The following MFGE8 variants were observed in gnomAD, a reference collection of about 807,000 sequenced individuals.
MFGE8 encodes the protein lactadherin.
A neutral mutation model predicts 42.6 loss-of-function variants in MFGE8; 34 were observed. The observed-to-expected ratio is 0.80, with a 90% CI of 0.61 to 1.06. MFGE8 has a LOEUF of 1.06. Ranked by LOEUF, MFGE8 falls within the 50% of genes least tolerant of loss-of-function variation. MFGE8 has a pLI of 0.00. For synonymous variants in MFGE8, 230 were observed against 214.8 expected, an observed-to-expected ratio of 1.07 and a Z score of -0.62; for missense variants, 510 against 516.9, an observed-to-expected ratio of 0.99 and a Z score of 0.13.
chr15:88,913,049 GC>G (rs1002356261), intron 1 of MFGE8, 197 bp downstream of exon 1: 1 of 985,224 alleles, frequency 1.0e-6, no homozygotes, highest in African/African-American at 1.7e-5. Context: ...CAGCCCAAAA[GC>G]CCCAGCGCAG....
At chr15:88,901,090 CACATTCACAA>C (rs879561321) in intron 6 of MFGE8, among the ~76,000 whole-genome samples, 5,500 of 85,980 alleles carry the variant, frequency 0.064, 858 homozygotes, top group South Asian at 0.16. Flanking sequence ...CACATTCACA[CACATTCACAA>C]ATACACATTC....
chr15:88,908,237 C>T (rs1442882175), intron 2 of MFGE8, among the ~76,000 whole-genome samples: 1 of 152,300 alleles, frequency 6.6e-6, no homozygotes, highest in African/African-American at 2.4e-5. Flanking sequence ...AGCAGAGAAC[C>T]CACAGACAGA....
rs575061870 is a variant in MFGE8 at position 88,902,118 on chromosome 15, G to A, written c.686-383C>T. ...CTTGGGCAGGATTTCTTCCTCTTCT[G>A]GACTCACAGCACTGCCCCCATCGCC... On this transcript the variant is annotated intron_variant, in intron 5 of 7. Transcript: ENST00000268150. The surrounding 1 kb of genome is among the most constrained non-coding windows in gnomAD (Gnocchi z 4.3). The A allele has an allele frequency of 6.2e-5, 20 of 320,576 alleles. No homozygotes were observed. In the East Asian group the frequency reaches 1.4e-3, roughly 23 times the overall value. The allele number at this position is 320,576 out of a possible 1,614,324, so 19.9% of individuals were successfully genotyped here. A position where few individuals can be genotyped will look rare whatever the true frequency, so the allele number is the denominator to read the frequency against.
At chr15:88,900,964 TACACACACATTCAC>T (rs767201372) in intron 6 of MFGE8, among the ~76,000 whole-genome samples, 1,701 of 82,596 alleles carry the variant, frequency 0.021, 63 homozygotes, top group East Asian at 0.19. Context: ...TGTACACACA[TACACACACATTCAC>T]ACACACACAT....
At position 88,899,732 on chromosome 15, in the gene MFGE8, G is replaced by A. The variant is rs1278422170; in HGVS notation, c.950C>T (p.Ala317Val). 1.9e-6 allele frequency: 3 copies of A among 1,614,072 alleles called. No homozygotes were observed. The highest frequency in any genetic ancestry group is 2.5e-6 in the Non-Finnish European group (3 of 1,180,040). The change falls in exon 7 of 8, where the codon GCA becomes GTA. Residue 317 changes from alanine (A) to valine (V), a missense_variant. Ala to Val is a moderately conservative substitution (Grantham distance 64). Coordinates refer to ENST00000268150, the MANE Select transcript of MFGE8 (RefSeq NM_005928.4). The surrounding 1 kb of genome is among the most constrained non-coding windows in gnomAD (Gnocchi z 6.8). ...ATTACTGTAGGCAACCTTGTAGGAT[G>A]CCACAAACTGGACAGAGCCAAAGTT... ...ARNFGSVQFV[A>V]SYKVAYSNDS...
At position 88,905,926 on chromosome 15, in the gene MFGE8, A is replaced by C. The variant is rs770322387; in HGVS notation, c.541-25T>G. Reference sequence around the variant, plus strand: ...CCTAGCAGGGAAGGGACAAGACTGGAGAAGGGGGTCCATCTGAGCAGTCCC... The same window carrying C: ...CCTAGCAGGGAAGGGACAAGACTGGCGAAGGGGGTCCATCTGAGCAGTCCC... On this transcript the variant is annotated intron_variant, in intron 4 of 7. Transcript: ENST00000268150. The surrounding 1 kb of genome is among the most constrained non-coding windows in gnomAD (Gnocchi z 6.6). 1.2e-6 allele frequency: 2 copies of C among 1,614,066 alleles called. No homozygotes were observed. The highest frequency in any genetic ancestry group is 3.3e-5 in the Admixed American group (2 of 60,014).
Position 88,906,643 on chromosome 15 carries a change from C to T in MFGE8, c.523G>A (p.Val175Ile). 1 of 1,614,042 alleles carries T rather than the reference C, an allele frequency of 6.2e-7. No homozygotes were observed. The highest frequency in any genetic ancestry group is 8.5e-7 in the Non-Finnish European group (1 of 1,179,984). ...NGHEFDFIHD[V>I]NKKHKEFVGN... Reference sequence around the variant, plus strand: ...AGACCTACCTTGTGTTTTTTATTAACATCATGGATGAAATCGAATTCGTGT... The same window carrying T: ...AGACCTACCTTGTGTTTTTTATTAATATCATGGATGAAATCGAATTCGTGT... The change falls in exon 4 of 8, where the codon GTT becomes ATT. Residue 175 changes from valine (V) to isoleucine (I), a missense_variant. By Grantham distance (29) the Val-to-Ile change is conservative. Coordinates refer to ENST00000268150, the MANE Select transcript of MFGE8 (RefSeq NM_005928.4). This position sits in a 1 kb window ranked among gnomAD's most constrained non-coding sequence, Gnocchi z 4.2.
intron 1 of MFGE8, chr15:88,910,660 G>C (rs1036513042): frequency 6.4e-6 from 1 of 156,482 alleles, no homozygotes; most frequent in African/African-American, 2.4e-5. Context: ...GAATATTTGA[G>C]CTGGGTCTAG....
At chr15:88,912,272 A>G in intron 1 of MFGE8, 4 of 1,289,394 alleles carry the variant, frequency 3.1e-6, no homozygotes, top group Non-Finnish European at 3.0e-6. Flanking sequence ...TACAGGGAAG[A>G]GTAGAAAGGG....
chr15:88,902,340 A>T lies in MFGE8; in HGVS notation c.686-605T>A, dbSNP rs189554449. ...ACATTAAGCATCATGCTCAAGTCAC[A>T]TACAAACTCCTAATGTCACACTATG... On this transcript the variant is annotated intron_variant, in intron 5 of 7. Coordinates refer to ENST00000268150, the MANE Select transcript of MFGE8 (RefSeq NM_005928.4). The surrounding 1 kb of genome is among the most constrained non-coding windows in gnomAD (Gnocchi z 4.3). The T allele has an allele frequency of 3.8e-3, 600 of 156,496 alleles. 24 individuals carry two copies. In the South Asian group the frequency reaches 0.089, roughly 23 times the overall value. The allele number at this position is 156,496 out of a possible 1,614,324, so 9.7% of individuals were successfully genotyped here.
intron 2 of MFGE8, among the ~76,000 whole-genome samples, 185 bp from the exon 3 acceptor site, chr15:88,907,561 T>A (rs1432034262): frequency 6.6e-6 from 1 of 151,628 alleles, no homozygotes. Flanking sequence ...CAGGACGAGG[T>A]GCCAAGAAAA....
chr15:88,901,464 A>G, intron 6 of MFGE8, 87 bp downstream of exon 6: 1 of 1,359,194 alleles, frequency 7.4e-7, no homozygotes, highest in Non-Finnish European at 1.0e-6. Context: ...GCAGAAGAGA[A>G]GCCTGGGCTG....
chr15:88,899,745 C>A lies in MFGE8; in HGVS notation c.937G>T (p.Val313Phe). The A allele has an allele frequency of 6.2e-7, 1 of 1,614,194 alleles. No homozygotes were observed. Among genetic ancestry groups the A allele is most frequent in the Non-Finnish European group, 8.5e-7 (1 of 1,180,034 alleles). ...ITQGARNFGS[V>F]QFVASYKVAY... Reference sequence around the variant, plus strand: ...ACCTTGTAGGATGCCACAAACTGGACAGAGCCAAAGTTACGGGCCCCCTGG... The same window carrying A: ...ACCTTGTAGGATGCCACAAACTGGAAAGAGCCAAAGTTACGGGCCCCCTGG... Residue 313 changes from valine (V) to phenylalanine (F), a missense_variant, in exon 7 of 8, where the codon GTC (valine) becomes TTC (phenylalanine). Val to Phe is a conservative substitution (Grantham distance 50). Transcript: ENST00000268150. The surrounding 1 kb of genome is among the most constrained non-coding windows in gnomAD (Gnocchi z 6.8).
Position 88,913,283 on chromosome 15 carries a change from C to T in MFGE8, c.37G>A (p.Ala13Thr). Residue 13 changes from alanine (A) to threonine (T), a missense_variant, in exon 1 of 8, where the codon GCG becomes ACG. Ala to Thr is a moderately conservative substitution (Grantham distance 58). Transcript: ENST00000268150. ...AGGAGGCTGGGGGCGCAGAGCAGCGCGCCGCACAGCGCGGCCAGCAGGCGG... is the reference window on the plus strand; with the variant it reads ...AGGAGGCTGGGGGCGCAGAGCAGCGTGCCGCACAGCGCGGCCAGCAGGCGG... ...RPRLLAALCG[A>T]LLCAPSLLVA... 3.4e-6 allele frequency: 5 copies of T among 1,483,510 alleles called. No homozygotes were observed. The highest frequency in any genetic ancestry group is 3.6e-6 in the Non-Finnish European group (4 of 1,125,956). 91.9% of individuals were successfully genotyped at this position (1,483,510 alleles called of 1,614,324 possible).
chr15:88,901,582 G>A lies in MFGE8; in HGVS notation c.839C>T (p.Ala280Val), dbSNP rs369715289. The change falls in exon 6 of 8, where the codon GCG becomes GTG. Residue 280 changes from alanine (A) to valine (V), a missense_variant. Physicochemically the swap from Ala to Val is moderately conservative, Grantham distance 64. Coordinates refer to ENST00000268150, the MANE Select transcript of MFGE8 (RefSeq NM_005928.4). Reference protein sequence around the residue: ...DKQGNFNAWVAGSYGNDQWLQ... With the variant: ...DKQGNFNAWVVGSYGNDQWLQ... ...CCACTGATCGTTACCGTAGCTCCCC[G>A]CAACCCAGGCGTTGAAGTTGCCCTG... 33 of 1,363,816 alleles carry A rather than the reference G, an allele frequency of 2.4e-5. No individual in the cohort carries two copies. The Middle Eastern group carries it at 6.3e-4, about 26-fold the overall frequency. The allele number at this position is 1,363,816 out of a possible 1,614,324, so 84.5% of individuals were successfully genotyped here. A position where few individuals can be genotyped will look rare whatever the true frequency, so the allele number is the denominator to read the frequency against.
At chr15:88,908,324 G>C (rs1898796514) in intron 2 of MFGE8, among the ~76,000 whole-genome samples, 2 of 152,230 alleles carry the variant, frequency 1.3e-5, no homozygotes, top group Non-Finnish European at 2.9e-5. Context: ...AACGCGCAAA[G>C]TGAGGCCAGA....
chr15:88,904,546 C>T (rs1898577813), intron 5 of MFGE8: 1 of 152,304 alleles, frequency 6.6e-6, no homozygotes, highest in Non-Finnish European at 1.5e-5. Context: ...TGGCCAAAGG[C>T]TTCAAGCCAA....
rs1237152390 is a variant in MFGE8, at chr15:88,901,723, G to A, written c.698C>T (p.Pro233Leu). The change falls in exon 6 of 8, where the codon CCC (proline) becomes CTC (leucine). Residue 233 changes from proline to leucine, a missense_variant. Transcript: ENST00000268150. ...GATGCTGTTATTCTTCAGGCCCAGG[G>A]GATTGGCGCATCCTGCCAGCAAGGT... ...LGCELNGCANPLGLKNNSIPD... is the reference protein window; with the variant it reads ...LGCELNGCANLLGLKNNSIPD... 6.2e-7 allele frequency: 1 copy of A among 1,613,754 alleles called. No individual in the cohort carries two copies. Among genetic ancestry groups the A allele is most frequent in the Non-Finnish European group, 8.5e-7 (1 of 1,179,978 alleles).
At chr15:88,910,836 T>A (rs1274405025) in intron 1 of MFGE8, 1 of 152,216 alleles carries the variant, frequency 6.6e-6, no homozygotes, top group Non-Finnish European at 1.5e-5. Flanking sequence ...TAGTTTTTCA[T>A]CCCGTAGAGC....
Sources: gnomAD v4.1 joint callset for allele counts (sites outside exome capture counted in the v4.1 genomes callset) on GRCh38, gnomAD v4.1.1 for gene constraint, Gnocchi (gnomAD v3.1) non-coding constraint, MANE v1.5 for transcripts, NCBI Gene and HGNC (gene_info 2026-07-23, HGNC 2026-07-21) for gene names.